OR6B1: variants seen among roughly 807,000 people sequenced by gnomAD.
OR6B1 encodes olfactory receptor 6B1.
In OR6B1, 15 loss-of-function variants were observed where a neutral mutation model predicts 15.4. The observed-to-expected ratio is 0.97, with a 90% confidence interval of 0.65 to 1.50. The LOEUF (loss-of-function observed/expected upper bound fraction) is 1.50, where lower values mean the gene tolerates loss of function less well. Ranked by LOEUF, OR6B1 falls within the 40% of genes most tolerant of loss-of-function variation. The pLI is 0.00. For missense variants in OR6B1, 384 were observed against 385.0 expected, an observed-to-expected ratio of 1.00 and a Z score of 0.02; for synonymous variants, 139 against 144.9, an observed-to-expected ratio of 0.96 and a Z score of 0.29.
Position 144,007,342 on chromosome 7 carries a change from T to C in OR6B1, c.*2410T>C, listed in dbSNP as rs910574110. ...AATTCACATAGAAACAAGCTATTTC[T>C]AAGGTGACACACAAAGCAAGCCGGA... is the stretch of plus-strand genomic sequence containing the variant. On this transcript the variant is annotated 3_prime_UTR_variant, in exon 2 of 2. Coordinates refer to ENST00000641698, the MANE Select transcript of OR6B1 (RefSeq NM_001005281.3). 1 of 152,088 alleles carries C rather than the reference T, an allele frequency of 6.6e-6. No individual in the cohort carries two copies. Among genetic ancestry groups the C allele is most frequent in the African/African-American group, 2.4e-5 (1 of 41,408 alleles). 9.4% of individuals were successfully genotyped at this position (152,088 alleles called of 1,614,324 possible).
rs2050631230 is a variant in OR6B1, at chr7:144,007,338, T to C, written c.*2406T>C. On this transcript the variant is annotated 3_prime_UTR_variant, in exon 2 of 2. Coordinates refer to ENST00000641698, the MANE Select transcript of OR6B1 (RefSeq NM_001005281.3). Reference sequence around the variant, plus strand: ...GTTAAATTCACATAGAAACAAGCTATTTCTAAGGTGACACACAAAGCAAGC... The same window carrying C: ...GTTAAATTCACATAGAAACAAGCTACTTCTAAGGTGACACACAAAGCAAGC... 6.6e-6 allele frequency: 1 copy of C among 152,064 alleles called. No individual in the cohort carries two copies. Among genetic ancestry groups the C allele is most frequent in the Non-Finnish European group, 1.5e-5 (1 of 68,012 alleles). 9.4% of individuals were successfully genotyped at this position (152,064 alleles called of 1,614,324 possible).
chr7:144,002,826 C>T (rs530008379), intron 1 of OR6B1, among the ~76,000 whole-genome samples: 167 of 152,230 alleles, frequency 1.1e-3, no homozygotes, highest in African/African-American at 3.9e-3. Context: ...TTCCTTGGCT[C>T]CTTTCCCATC....
chr7:144,005,116 CCTT>C lies in OR6B1; in HGVS notation c.*187_*189del. ...ATGGTCAGTGCTCTAAGGCCATACA[CCTT>C]CTAGAGAGCTAGAGAAAACAGTTCT... On this transcript the variant is annotated 3_prime_UTR_variant, in exon 2 of 2. Coordinates refer to ENST00000641698, the MANE Select transcript of OR6B1 (RefSeq NM_001005281.3). The C allele has an allele frequency of 7.1e-6, 4 of 561,046 alleles. No individual in the cohort carries two copies. Among genetic ancestry groups the C allele is most frequent in the Non-Finnish European group, 1.3e-5 (4 of 319,012 alleles). 34.8% of individuals were successfully genotyped at this position (561,046 alleles called of 1,614,324 possible). A position where few individuals can be genotyped will look rare whatever the true frequency, so the allele number is the denominator to read the frequency against.
Position 144,006,713 on chromosome 7 carries a change from A to C in OR6B1, c.*1781A>C, listed in dbSNP as rs1163397429. The C allele has an allele frequency of 1.3e-5, 2 of 152,236 alleles. No individual in the cohort carries two copies. Among genetic ancestry groups the C allele is most frequent in the East Asian group, 3.8e-4 (2 of 5,200 alleles). 9.4% of individuals were successfully genotyped at this position (152,236 alleles called of 1,614,324 possible). ...GGAAAAGACATGTTCAGTAGGGATT[A>C]GGAAATGAAAGATAAAAAAACTCTG... is the stretch of plus-strand genomic sequence containing the variant. On this transcript the variant is annotated 3_prime_UTR_variant, in exon 2 of 2. Transcript: ENST00000641698.
chr7:144,002,946 G>A (rs944513031), intron 1 of OR6B1, among the ~76,000 whole-genome samples: 2 of 152,006 alleles, frequency 1.3e-5, no homozygotes, highest in East Asian at 1.9e-4. Context: ...CCTCCTCAAA[G>A]GTCAGAGGGA....
rs371262239 is a variant in OR6B1, at chr7:144,004,457, G to A, written c.461G>A (p.Gly154Asp). 1.2e-6 allele frequency: 2 copies of A among 1,614,056 alleles called. No homozygotes were observed. The highest frequency in any genetic ancestry group is 1.3e-5 in the African/African-American group (1 of 74,922). Residue 154 changes from glycine to aspartate, a missense_variant, in exon 2 of 2, where the codon GGC becomes GAC. Transcript: ENST00000641698. ...LALGSWAIGF[G>D]ISLAKIYFIS... ...CTTGGTTCCTGGGCCATTGGCTTTG[G>A]CATCTCCCTGGCGAAGATCTACTTC... is the stretch of plus-strand genomic sequence containing the variant.
In OR6B1 at chr7:144,006,157, T is replaced by A. The variant is rs2050622881; in HGVS notation, c.*1225T>A. The A allele has an allele frequency of 6.6e-6, 1 of 152,220 alleles. No individual in the cohort carries two copies. Among genetic ancestry groups the A allele is most frequent in the Non-Finnish European group, 1.5e-5 (1 of 68,036 alleles). 9.4% of individuals were successfully genotyped at this position (152,220 alleles called of 1,614,324 possible). ...ACGTGAGGCAGAATTATTTGTTCCA[T>A]TTTATAAACTTCCAGAACAGATGTT... is the stretch of plus-strand genomic sequence containing the variant. On this transcript the variant is annotated 3_prime_UTR_variant, in exon 2 of 2. Coordinates refer to ENST00000641698, the MANE Select transcript of OR6B1 (RefSeq NM_001005281.3).
intron 1 of OR6B1, among the ~76,000 whole-genome samples, chr7:144,001,412 C>A (rs947590251): frequency 2.0e-5 from 3 of 152,142 alleles, no homozygotes; most frequent in Non-Finnish European, 4.4e-5. Flanking sequence ...ATATGTCCAT[C>A]TTTGTTTCTT....
In OR6B1 at chr7:144,001,243, C is replaced by A. The variant is rs148496957; in HGVS notation, c.-26+593C>A. Among the ~76,000 whole-genome samples the A allele has an allele frequency of 2.7e-4, 41 of 152,250 alleles. 2 individuals carry two copies. The East Asian group carries it at 6.9e-3, about 26-fold the overall frequency. On this transcript the variant is annotated intron_variant, in intron 1 of 1. Coordinates refer to ENST00000641698, the MANE Select transcript of OR6B1 (RefSeq NM_001005281.3). ...AACTATTATAAGTAAAAAGGCTGTA[C>A]ATATTTTGCAGTAAGGTGATACATA...
intron 1 of OR6B1, 176 bp from the exon 2 acceptor site, chr7:144,003,796 C>T: frequency 1.7e-6 from 1 of 587,986 alleles, no homozygotes; most frequent in Non-Finnish European, 3.0e-6. Context: ...CACACACACA[C>T]ACACACACAC....
rs2050636392 is a variant in OR6B1, at chr7:144,008,006, C to G, written c.*3074C>G. 1 of 152,100 alleles carries G rather than the reference C, an allele frequency of 6.6e-6. No homozygotes were observed. Among genetic ancestry groups the G allele is most frequent in the Admixed American group, 6.5e-5 (1 of 15,272 alleles). 9.4% of individuals were successfully genotyped at this position (152,100 alleles called of 1,614,324 possible). On this transcript the variant is annotated 3_prime_UTR_variant, in exon 2 of 2. Transcript: ENST00000641698. ...AAGAAATACCTTGGGCCACCAGAAG[C>G]TGGAAGATATAAGTAATGATTCTCC...
chr7:144,003,919 T>C (rs999908390), intron 1 of OR6B1, 53 bp from the exon 2 acceptor site: 2 of 921,914 alleles, frequency 2.2e-6, no homozygotes, highest in East Asian at 2.5e-5. Flanking sequence ...AAGACAAGTA[T>C]GGAAAAATAT....
rs1346979138 is a variant in OR6B1, at chr7:144,003,991, T to G, written c.-6T>G. 1 of 1,600,966 alleles carries G rather than the reference T, an allele frequency of 6.2e-7. No homozygotes were observed. Among genetic ancestry groups the G allele is most frequent in the South Asian group, 1.1e-5 (1 of 88,622 alleles). The stretch of plus-strand genomic sequence containing the variant: ...CCCCAGGAGAGCTAAGCCCTGTGTC[T>G]CCAATATGGAGTTGGAGAACCAGAC... On this transcript the variant is annotated 5_prime_UTR_variant, in exon 2 of 2. Transcript: ENST00000641698.
chr7:144,004,614 C>T lies in OR6B1; in HGVS notation c.618C>T (p.Ile206=). The T allele has an allele frequency of 6.2e-7, 1 of 1,614,208 alleles. No homozygotes were observed. Among genetic ancestry groups the T allele is most frequent in the Non-Finnish European group, 8.5e-7 (1 of 1,180,028 alleles). ...ELVDFILALV[I]FLFPLFITVL... Reference sequence around the variant, plus strand: ...TAGACTTTATCCTGGCACTGGTCATCTTCCTATTCCCACTCTTTATTACTG... The same window carrying T: ...TAGACTTTATCCTGGCACTGGTCATTTTCCTATTCCCACTCTTTATTACTG... The change falls in exon 2 of 2, where the codon ATC becomes ATT. Residue 206 remains isoleucine (I), a synonymous_variant. Coordinates refer to ENST00000641698, the MANE Select transcript of OR6B1 (RefSeq NM_001005281.3).
chr7:144,006,538 T>C lies in OR6B1; in HGVS notation c.*1606T>C, dbSNP rs1443179462. ...TAATGTTTGCTTCTGGAATGTAGTT[T>C]GGTCCCTTGATGCAACAAGTAAGTT... On this transcript the variant is annotated 3_prime_UTR_variant, in exon 2 of 2. Coordinates refer to ENST00000641698, the MANE Select transcript of OR6B1 (RefSeq NM_001005281.3). 6.6e-6 allele frequency: 1 copy of C among 152,222 alleles called. No individual in the cohort carries two copies. Among genetic ancestry groups the C allele is most frequent in the Non-Finnish European group, 1.5e-5 (1 of 68,032 alleles). 9.4% of individuals were successfully genotyped at this position (152,222 alleles called of 1,614,324 possible). A position where few individuals can be genotyped will look rare whatever the true frequency, so the allele number is the denominator to read the frequency against.
rs2189880 is a variant in OR6B1 at position 144,000,599 on chromosome 7, T to C, written c.-77T>C. The C allele has an allele frequency of 0.4, 60,454 of 152,516 alleles. 12,644 individuals are homozygous for C. The highest frequency in any genetic ancestry group is 0.58 in the East Asian group (2,990 of 5,164). 9.4% of individuals were successfully genotyped at this position (152,516 alleles called of 1,614,324 possible). A position where few individuals can be genotyped will look rare whatever the true frequency, so the allele number is the denominator to read the frequency against. On this transcript the variant is annotated 5_prime_UTR_variant, in exon 1 of 2. Transcript: ENST00000641698. The stretch of plus-strand genomic sequence containing the variant: ...CTTCTGCATCTTCCTATTTTAGAAT[T>C]GGTGAAGGCTTTGTTTTCACATTTC...
rs2050604356 is a variant in OR6B1, at chr7:144,004,236, G to A, written c.240G>A (p.Lys80=). ...ETWYISVTVP[K]LLFSFWSVNN... is the part of the protein sequence containing the mutation. ...GGTACATCTCTGTGACTGTGCCCAA[G>A]TTACTGTTTAGTTTTTGGTCTGTGA... The change falls in exon 2 of 2, where the codon AAG becomes AAA. Residue 80 remains lysine, a synonymous_variant. Transcript: ENST00000641698. 3.1e-6 allele frequency: 5 copies of A among 1,614,092 alleles called. No individual in the cohort carries two copies. The highest frequency in any genetic ancestry group is 1.7e-5 in the Admixed American group (1 of 60,008).
Position 144,000,357 on chromosome 7 carries a change from C to T in OR6B1, c.-319C>T, listed in dbSNP as rs1270268966. 6.6e-6 allele frequency: 1 copy of T among 152,578 alleles called. No homozygotes were observed. The highest frequency in any genetic ancestry group is 2.4e-5 in the African/African-American group (1 of 41,418). The allele number at this position is 152,578 out of a possible 1,614,324, so 9.5% of individuals were successfully genotyped here. ...AGCTCAGTGTGCCTAAAATCACTGC[C>T]ATGTTCACCAGGAAGGTGATGGGCA... On this transcript the variant is annotated 5_prime_UTR_variant, in exon 1 of 2. Transcript: ENST00000641698.
intron 1 of OR6B1, among the ~76,000 whole-genome samples, chr7:144,001,185 G>C (rs1270519057): frequency 1.3e-5 from 2 of 152,118 alleles, no homozygotes; most frequent in African/African-American, 4.8e-5. Flanking sequence ...TGCTATGAGG[G>C]GTAACATGTT....
Sources: gnomAD v4.1 joint callset for allele counts (sites outside exome capture counted in the v4.1 genomes callset) on GRCh38, gnomAD v4.1.1 for gene constraint, MANE v1.5 for transcripts, NCBI Gene and HGNC (gene_info 2026-07-23, HGNC 2026-07-21) for gene names.